PPP6R2: variants seen among roughly 807,000 people sequenced by gnomAD.
PPP6R2 encodes the protein serine/threonine-protein phosphatase 6 regulatory subunit 2.
In PPP6R2, 62 loss-of-function variants were observed where a neutral mutation model predicts 100.2. The observed-to-expected ratio is 0.62, with a 90% CI of 0.50 to 0.76. The LOEUF is 0.76. PPP6R2 is among the 30% of genes least tolerant of loss of function. The pLI is 0.00. For synonymous variants in PPP6R2, 525 were observed against 514.7 expected, an observed-to-expected ratio of 1.02 and a Z score of -0.27; for missense variants, 1,142 against 1,276.3, an observed-to-expected ratio of 0.89 and a Z score of 1.60.
rs899144428 is a variant in PPP6R2 at position 50,401,270 on chromosome 22, C to T, written c.228-5419C>T. 2.0e-5 allele frequency among the ~76,000 whole-genome samples: 3 copies of T among 151,768 alleles called. No homozygotes were observed. In the South Asian group the frequency reaches 6.2e-4, roughly 31 times the overall value. On this transcript the variant is annotated intron_variant, in intron 3 of 23. Transcript: ENST00000612753. ...TCGCCCAGGCTGGAGTGAAGTGGCACGATCTCGGCTCACTGCAACCTTCAC... is the reference window on the plus strand; with the variant it reads ...TCGCCCAGGCTGGAGTGAAGTGGCATGATCTCGGCTCACTGCAACCTTCAC...
chr22:50,369,677 TTG>T lies in PPP6R2; in HGVS notation c.-147-2339_-147-2338del, dbSNP rs571875446. On this transcript the variant is annotated intron_variant, in intron 1 of 23. Transcript: ENST00000612753. Reference sequence around the variant, plus strand: ...TAGAGGCGTACGCCCGGCTAATTTTTTGTGTTTTTAGTAGAGGCAGGGTTTCA... The same window carrying T: ...TAGAGGCGTACGCCCGGCTAATTTTTTGTTTTTAGTAGAGGCAGGGTTTCA... 1.1e-4 allele frequency among the ~76,000 whole-genome samples: 16 copies of T among 152,194 alleles called. 1 individual carries two copies. The East Asian group carries it at 2.7e-3, about 26-fold the overall frequency.
intron 18 of PPP6R2, 102 bp from the exon 19 acceptor site, chr22:50,438,497 G>T (rs1032199886): frequency 1.4e-5 from 21 of 1,469,074 alleles, no homozygotes; most frequent in South Asian, 1.2e-4. Context: ...CTCTCGAGAC[G>T]ATCTGTGCTC....
chr22:50,436,441 A>T lies in PPP6R2; in HGVS notation c.1591A>T (p.Thr531Ser). The T allele has an allele frequency of 6.3e-7, 1 of 1,591,558 alleles. No homozygotes were observed. The highest frequency in any genetic ancestry group is 8.5e-7 in the Non-Finnish European group (1 of 1,170,452). ...GCTGACGGAGACGAACCGCAGGAAC[A>T]CTGTGGACCTGGTGAGGAGGCTCGG... ...ETLTETNRRN[T>S]VDLVSTHHLH... The change falls in exon 14 of 24, where the codon ACT (threonine) becomes TCT (serine). Residue 531 changes from threonine to serine, a missense_variant. By Grantham distance (58) the Thr-to-Ser change is moderately conservative. Around this residue, in one of 2 missense-constraint regions of PPP6R2, gnomAD observed 592 missense variants for 758.9 expected, o/e 0.78. Transcript: ENST00000612753.
chr22:50,388,923 G>A (rs1490887275), intron 2 of PPP6R2: 1 of 151,876 alleles, frequency 6.6e-6, no homozygotes. Context: ...CAGGTAATAG[G>A]GCATTTCAGA....
chr22:50,416,253 A>T (rs968950787), intron 6 of PPP6R2, 96 bp downstream of exon 6: 2 of 1,077,786 alleles, frequency 1.9e-6, no homozygotes, highest in African/African-American at 3.1e-5. Context: ...AGGGCAAGTC[A>T]TCCCTTTCCT....
At chr22:50,353,933 G>T (rs1012868632) in intron 1 of PPP6R2, among the ~76,000 whole-genome samples, 58 of 151,320 alleles carry the variant, frequency 3.8e-4, no homozygotes, top group African/African-American at 1.4e-3. Flanking sequence ...AATACATTTT[G>T]GAATTGTAAC....
chr22:50,367,241 C>T lies in PPP6R2; in HGVS notation c.-147-4779C>T, dbSNP rs550482645. Among the ~76,000 whole-genome samples the T allele has an allele frequency of 5.9e-5, 9 of 151,978 alleles. No homozygotes were observed. In the South Asian group the frequency reaches 6.3e-4, roughly 11 times the overall value. ...TAGGAGGGCAGAGGTGGCTTTCTCC[C>T]GGGTAGGCATCAAAGCACTTGGAGT... On this transcript the variant is annotated intron_variant, in intron 1 of 23. Coordinates refer to ENST00000612753, the MANE Select transcript of PPP6R2 (RefSeq NM_001242898.2).
chr22:50,436,298 A>G, intron 13 of PPP6R2, 69 bp from the exon 14 acceptor site: 1 of 1,409,256 alleles, frequency 7.1e-7, no homozygotes, highest in Non-Finnish European at 9.8e-7. Context: ...CACCTGCCGG[A>G]GCCCCCGGGT....
At chr22:50,395,889 ATGGT>A (rs1456385101) in intron 3 of PPP6R2, among the ~76,000 whole-genome samples, 1 of 148,896 alleles carries the variant, frequency 6.7e-6, no homozygotes, top group Non-Finnish European at 1.5e-5. Flanking sequence ...ACCTGTTTAA[ATGGT>A]TGGGGAAAAA....
chr22:50,375,832 A>AGTTTTTTTTTTTTTTT (rs2051381919), intron 2 of PPP6R2, among the ~76,000 whole-genome samples: 1 of 64,562 alleles, frequency 1.5e-5, no homozygotes, highest in Non-Finnish European at 2.6e-5. Flanking sequence ...ATCCCTGCAG[A>AGTTTTTTTTTTTTTTT]TTTTTTTTTT....
At chr22:50,406,105 G>C (rs2058890010) in intron 3 of PPP6R2, among the ~76,000 whole-genome samples, 2 of 141,838 alleles carry the variant, frequency 1.4e-5, no homozygotes, top group Admixed American at 1.4e-4. Flanking sequence ...CTGGAGGGAG[G>C]TGAGAGACCT....
At chr22:50,382,655 C>G (rs1443453395) in intron 2 of PPP6R2, among the ~76,000 whole-genome samples, 1 of 151,954 alleles carries the variant, frequency 6.6e-6, no homozygotes, top group East Asian at 1.9e-4. Context: ...ATGGAGAGCA[C>G]TATACAATTT....
intron 19 of PPP6R2, 69 bp from the exon 20 acceptor site, chr22:50,439,632 G>T (rs373221236): frequency 2.8e-6 from 4 of 1,445,148 alleles, no homozygotes; most frequent in Non-Finnish European, 3.7e-6. Context: ...GGGCAGGGGC[G>T]CTGCCTCCCC....
upstream of PPP6R2, among the ~76,000 whole-genome samples, chr22:50,338,947 G>A (rs1479920886): frequency 7.5e-6 from 1 of 133,102 alleles, no homozygotes; most frequent in Admixed American, 7.7e-5. Context: ...TGGGTGTGTA[G>A]GGTGTGGTGG....
intron 9 of PPP6R2, 108 bp downstream of exon 9, chr22:50,422,488 G>C: frequency 6.9e-7 from 1 of 1,454,320 alleles, no homozygotes; most frequent in East Asian, 2.4e-5. Context: ...AGTGTGGAGT[G>C]AATGTGTTCT....
chr22:50,348,582 T>C (rs1328589278), intron 1 of PPP6R2, among the ~76,000 whole-genome samples: 2 of 151,810 alleles, frequency 1.3e-5, no homozygotes, highest in Admixed American at 1.3e-4. Flanking sequence ...GGGCTGGGGG[T>C]GTTACTACAG....
chr22:50,383,750 G>C (rs913828427), intron 2 of PPP6R2, among the ~76,000 whole-genome samples: 5 of 152,016 alleles, frequency 3.3e-5, no homozygotes, highest in Non-Finnish European at 5.9e-5. Context: ...AAAGGAAAAG[G>C]ATGAGGCCAG....
intron 6 of PPP6R2, among the ~76,000 whole-genome samples, chr22:50,417,381 TCCAGGACGGGATTGCTAGGGGC>T (rs981329267): frequency 3.3e-5 from 5 of 152,138 alleles, no homozygotes; most frequent in African/African-American, 1.2e-4. Flanking sequence ...AGGCATGAAC[TCCAGGACGGGATTGCTAGGGGC>T]CCCCTAGGAG....
upstream of PPP6R2, among the ~76,000 whole-genome samples, chr22:50,340,144 T>C (rs2042356031): frequency 7.7e-6 from 1 of 130,490 alleles, no homozygotes; most frequent in Non-Finnish European, 1.6e-5. Context: ...GTACAGTGTG[T>C]GGTGTGTGTA....
Sources: gnomAD v4.1 joint callset for allele counts (sites outside exome capture counted in the v4.1 genomes callset) on GRCh38, gnomAD v4.1.1 for gene constraint, gnomAD v4.1.1 regional missense constraint, MANE v1.5 for transcripts, NCBI Gene and HGNC (gene_info 2026-07-23, HGNC 2026-07-21) for gene names.